The following OR2L2 variants were observed in gnomAD, a reference collection of about 807,000 sequenced individuals.
OR2L2 encodes the protein olfactory receptor 2L2.
For missense variants in OR2L2, 378 were observed against 375.2 expected (o/e 1.01, Z -0.06); for synonymous variants, 156 against 135.4 (o/e 1.15, Z -1.06).
Position 248,038,253 on chromosome 1 carries a change from T to C in OR2L2, c.-15T>C, listed in dbSNP as rs1662820161. ...CCCTTTTGTCTCCCTTCAGGATGGA[T>C]TGTAGGAATTCCCCATGGAAAATTA... is the stretch of plus-strand genomic sequence containing the variant. On this transcript the variant is annotated 5_prime_UTR_variant, in exon 3 of 3. Transcript: ENST00000641771. The C allele has an allele frequency of 1.9e-6, 3 of 1,552,520 alleles. No homozygotes were observed. The highest frequency in any genetic ancestry group is 1.4e-5 in the African/African-American group (1 of 73,868).
At chr1:248,033,598 G>C (rs1662677303) in intron 1 of OR2L2, among the ~76,000 whole-genome samples, 1 of 90,382 alleles carries the variant, frequency 1.1e-5, no homozygotes, top group Admixed American at 1.6e-4. Context: ...CACCACACCT[G>C]GCTAATTTTT....
rs1005544415 is a variant in OR2L2 at position 248,040,274 on chromosome 1, C to A, written c.*1068C>A. On this transcript the variant is annotated 3_prime_UTR_variant, in exon 3 of 3. Coordinates refer to ENST00000641771, the MANE Select transcript of OR2L2 (RefSeq NM_001385855.1). Reference sequence around the variant, plus strand: ...TTAGGTCCATTCTCTGAGTGAAAGGCCATTGCTCTCCAGAAGAGCCCATTC... The same window carrying A: ...TTAGGTCCATTCTCTGAGTGAAAGGACATTGCTCTCCAGAAGAGCCCATTC... 1 of 152,194 alleles carries A rather than the reference C, an allele frequency of 6.6e-6. No homozygotes were observed. Among genetic ancestry groups the A allele is most frequent in the African/African-American group, 2.4e-5 (1 of 41,426 alleles). 9.4% of individuals were successfully genotyped at this position (152,194 alleles called of 1,614,324 possible).
intron 2 of OR2L2, among the ~76,000 whole-genome samples, chr1:248,037,201 A>G (rs1348154276): frequency 6.6e-6 from 1 of 152,204 alleles, no homozygotes; most frequent in Non-Finnish European, 1.5e-5. Context: ...TAAGTAGAAG[A>G]ACCAAATAAT....
Position 248,038,244 on chromosome 1 carries a change from C to T in OR2L2, c.-21-3C>T. The T allele has an allele frequency of 6.6e-7, 1 of 1,510,584 alleles. No homozygotes were observed. Among genetic ancestry groups the T allele is most frequent in the Non-Finnish European group, 9.1e-7 (1 of 1,096,344 alleles). The allele number at this position is 1,510,584 out of a possible 1,614,324, so 93.6% of individuals were successfully genotyped here. ...CTTAATTTACCCTTTTGTCTCCCTT[C>T]AGGATGGATTGTAGGAATTCCCCAT... is the stretch of plus-strand genomic sequence containing the variant. On this transcript the variant is annotated splice_region_variant and splice_polypyrimidine_tract_variant and intron_variant, in intron 2 of 2. Coordinates refer to ENST00000641771, the MANE Select transcript of OR2L2 (RefSeq NM_001385855.1).
intron 2 of OR2L2, 63 bp from the exon 3 acceptor site, chr1:248,038,184 A>G: frequency 2.1e-6 from 2 of 968,912 alleles, no homozygotes; most frequent in Non-Finnish European, 3.2e-6. Flanking sequence ...GGAGTCTTGT[A>G]ATGCAGCCAC....
Position 248,041,751 on chromosome 1 carries a change from A to G in OR2L2, c.*2545A>G, listed in dbSNP as rs956210004. ...AGACATTTATGCAGCCAAAAAACAC[A>G]TGAAAAAATGCTCACCGTTACTGGC... On this transcript the variant is annotated 3_prime_UTR_variant, in exon 3 of 3. Coordinates refer to ENST00000641771, the MANE Select transcript of OR2L2 (RefSeq NM_001385855.1). 6.6e-5 allele frequency: 10 copies of G among 152,232 alleles called. No individual in the cohort carries two copies. Among genetic ancestry groups the G allele is most frequent in the South Asian group, 2.1e-4 (1 of 4,838 alleles). The allele number at this position is 152,232 out of a possible 1,614,324, so 9.4% of individuals were successfully genotyped here.
chr1:248,033,848 C>T (rs1662686089), intron 1 of OR2L2, among the ~76,000 whole-genome samples: 1 of 152,074 alleles, frequency 6.6e-6, no homozygotes, highest in African/African-American at 2.4e-5. Flanking sequence ...CTCACTCTTA[C>T]CTCTTCAACA....
In OR2L2 at chr1:248,041,500, T is replaced by C. The variant is rs1312561360; in HGVS notation, c.*2294T>C. 1 of 152,168 alleles carries C rather than the reference T, an allele frequency of 6.6e-6. No individual in the cohort carries two copies. Among genetic ancestry groups the C allele is most frequent in the African/African-American group, 2.4e-5 (1 of 41,398 alleles). 9.4% of individuals were successfully genotyped at this position (152,168 alleles called of 1,614,324 possible). A position where few individuals can be genotyped will look rare whatever the true frequency, so the allele number is the denominator to read the frequency against. ...AAAGCAATGGCAACAAAAGCCAAAA[T>C]TGACAATTGAGATCTAATTAAACTA... On this transcript the variant is annotated 3_prime_UTR_variant, in exon 3 of 3. Coordinates refer to ENST00000641771, the MANE Select transcript of OR2L2 (RefSeq NM_001385855.1).
intron 2 of OR2L2, among the ~76,000 whole-genome samples, chr1:248,036,075 G>A (rs1662751865): frequency 6.6e-6 from 1 of 152,216 alleles, no homozygotes; most frequent in Middle Eastern, 3.4e-3. Context: ...CTTACTTTGT[G>A]ATTTTACATG....
intron 2 of OR2L2, among the ~76,000 whole-genome samples, chr1:248,037,781 T>C (rs373294329): frequency 6.6e-6 from 1 of 152,188 alleles, no homozygotes; most frequent in African/African-American, 2.4e-5. Flanking sequence ...TCAAATGCGG[T>C]CTGAAAATAT....
At position 248,039,132 on chromosome 1, in the gene OR2L2, T is replaced by C; in HGVS notation, c.865T>C (p.Tyr289His). The C allele has an allele frequency of 6.2e-7, 1 of 1,614,014 alleles. No individual in the cohort carries two copies. The highest frequency in any genetic ancestry group is 8.5e-7 in the Non-Finnish European group (1 of 1,179,976). ...CACCCCAATGCTCAACCCCATCATC[T>C]ACAGCCTGAGAAACAAGGAGGTGAT... ...ILTPMLNPIIYSLRNKEVMGA... is the reference protein window; with the variant it reads ...ILTPMLNPIIHSLRNKEVMGA... Residue 289 changes from tyrosine to histidine, a missense_variant, in exon 3 of 3, where the codon TAC (tyrosine) becomes CAC (histidine). By Grantham distance (83) the Tyr-to-His change is moderately conservative. Coordinates refer to ENST00000641771, the MANE Select transcript of OR2L2 (RefSeq NM_001385855.1).
intron 1 of OR2L2, among the ~76,000 whole-genome samples, chr1:248,032,163 C>T (rs1350213640): frequency 6.6e-6 from 1 of 152,034 alleles, no homozygotes; most frequent in Non-Finnish European, 1.5e-5. Flanking sequence ...AATTGTCCCT[C>T]ACAAATAACC....
chr1:248,040,518 CCTCAGCCCA>C lies in OR2L2; in HGVS notation c.*1317_*1325del, dbSNP rs1289042119. ...TACAACCTCTCCTCCTCTTCCTCCGCCTCAGCCCACTCAACGTGAAGACAACAATGATGA... is the reference window on the plus strand; with the variant it reads ...TACAACCTCTCCTCCTCTTCCTCCGCCTCAACGTGAAGACAACAATGATGA... On this transcript the variant is annotated 3_prime_UTR_variant, in exon 3 of 3. Transcript: ENST00000641771. The C allele has an allele frequency of 6.6e-6, 1 of 152,310 alleles. No individual in the cohort carries two copies. The highest frequency in any genetic ancestry group is 1.5e-5 in the Non-Finnish European group (1 of 68,128). 9.4% of individuals were successfully genotyped at this position (152,310 alleles called of 1,614,324 possible). A position where few individuals can be genotyped will look rare whatever the true frequency, so the allele number is the denominator to read the frequency against.
rs1201589905 is a variant in OR2L2 at position 248,038,375 on chromosome 1, G to A, written c.108G>A (p.Met36Ile). Residue 36 changes from methionine (M) to isoleucine (I), a missense_variant, in exon 3 of 3, where the codon ATG becomes ATA. By Grantham distance (10) the Met-to-Ile change is conservative. Transcript: ENST00000641771. ...VFTLIFLIFL[M>I]ALIGNLSMIL... ...CCCTCATTTTTCTCATTTTCCTAATGGCTCTAATTGGAAATCTATCCATGA... is the reference window on the plus strand; with the variant it reads ...CCCTCATTTTTCTCATTTTCCTAATAGCTCTAATTGGAAATCTATCCATGA... The A allele has an allele frequency of 6.2e-7, 1 of 1,612,772 alleles. No homozygotes were observed. Among genetic ancestry groups the A allele is most frequent in the South Asian group, 1.1e-5 (1 of 91,014 alleles).
rs1337201508 is a variant in OR2L2 at position 248,039,342 on chromosome 1, T to A, written c.*136T>A. 3.2e-6 allele frequency: 2 copies of A among 634,012 alleles called. No homozygotes were observed. The highest frequency in any genetic ancestry group is 5.0e-6 in the Non-Finnish European group (2 of 398,160). 39.3% of individuals were successfully genotyped at this position (634,012 alleles called of 1,614,324 possible). On this transcript the variant is annotated 3_prime_UTR_variant, in exon 3 of 3. Coordinates refer to ENST00000641771, the MANE Select transcript of OR2L2 (RefSeq NM_001385855.1). ...AGAAGAAATTTGTCTTTTAATTTAG[T>A]CTTGACAATATTATAATACATATTA...
In OR2L2 at chr1:248,038,484, A is replaced by G. The variant is rs752972575; in HGVS notation, c.217A>G (p.Ile73Val). 2.5e-6 allele frequency: 4 copies of G among 1,613,720 alleles called. No individual in the cohort carries two copies. The highest frequency in any genetic ancestry group is 3.4e-6 in the Non-Finnish European group (4 of 1,179,794). ...SQLSLIDLNY[I>V]STIVPKMVYD... The stretch of plus-strand genomic sequence containing the variant: ...GCTCTCCCTCATTGACCTAAATTAC[A>G]TCTCCACCATTGTTCCAAAGATGGT... The change falls in exon 3 of 3, where the codon ATC becomes GTC. Residue 73 changes from isoleucine (I) to valine (V), a missense_variant. Coordinates refer to ENST00000641771, the MANE Select transcript of OR2L2 (RefSeq NM_001385855.1).
At chr1:248,033,579 G>T (rs1662676494) in intron 1 of OR2L2, among the ~76,000 whole-genome samples, 1 of 150,110 alleles carries the variant, frequency 6.7e-6, no homozygotes, top group Non-Finnish European at 1.5e-5. Flanking sequence ...TGGGACTACT[G>T]GTGCGAGCCA....
In OR2L2 at chr1:248,033,224, G is replaced by A. The variant is rs935696247; in HGVS notation, c.-96-2326G>A. ...TTTATGGTTTTAGCTCTTACACTTA[G>A]GTCTTTGATTTATTTTGACTTAATT... On this transcript the variant is annotated intron_variant, in intron 1 of 2. Coordinates refer to ENST00000641771, the MANE Select transcript of OR2L2 (RefSeq NM_001385855.1). 4.9e-4 allele frequency among the ~76,000 whole-genome samples: 74 copies of A among 152,042 alleles called. 1 individual carries two copies. The highest frequency in any genetic ancestry group is 8.3e-4 in the South Asian group (4 of 4,822).
At chr1:248,034,480 T>C (rs373898726) in intron 1 of OR2L2, among the ~76,000 whole-genome samples, 130 of 152,296 alleles carry the variant, frequency 8.5e-4, no homozygotes, top group African/African-American at 2.9e-3. Flanking sequence ...TCCATAGAAA[T>C]TTTAGCATGG....
Sources: allele counts gnomAD v4.1 joint callset (sites outside exome capture counted in the v4.1 genomes callset), GRCh38; gene constraint gnomAD v4.1.1; transcripts MANE v1.5; gene names NCBI Gene and HGNC (gene_info 2026-07-23, HGNC 2026-07-21).